The following CDKL4 variants were observed in gnomAD, a reference collection of about 807,000 sequenced individuals.
The protein encoded by CDKL4 is cyclin-dependent kinase-like 4.
In CDKL4, 44 loss-of-function variants were observed where a neutral mutation model predicts 42.0. The observed-to-expected ratio is 1.05, with a 90% confidence interval of 0.82 to 1.35. CDKL4 has a LOEUF of 1.35. Among genes scored for constraint, CDKL4 ranks in the 40% most tolerant of loss-of-function variants. CDKL4 has a pLI of 0.00. For missense variants in CDKL4, 393 were observed against 369.9 expected (o/e 1.06, Z -0.51); for synonymous variants, 120 against 121.6 (o/e 0.99, Z 0.09).
chr2:39,211,206 T>C (rs551564018), intron 4 of CDKL4, among the ~76,000 whole-genome samples: 74 of 152,190 alleles, frequency 4.9e-4, no homozygotes, highest in African/African-American at 1.5e-3. Context: ...CTGGGCAAGA[T>C]AGTGAGACCC....
chr2:39,237,403 T>C (rs1228572889), intron 1 of CDKL4, among the ~76,000 whole-genome samples: 1 of 152,140 alleles, frequency 6.6e-6, no homozygotes, highest in Non-Finnish European at 1.5e-5. Flanking sequence ...CTGTGAAAAA[T>C]CTACAGTTAA....
At chr2:39,197,978 C>T (rs531037022) in intron 5 of CDKL4, among the ~76,000 whole-genome samples, 30 of 151,770 alleles carry the variant, frequency 2.0e-4, no homozygotes, top group Non-Finnish European at 3.7e-4. Context: ...TGAATAGTAC[C>T]TCACATCTCA....
intron 2 of CDKL4, among the ~76,000 whole-genome samples, chr2:39,226,942 T>C (rs1678783416): frequency 6.6e-6 from 1 of 152,170 alleles, no homozygotes; most frequent in Non-Finnish European, 1.5e-5. Flanking sequence ...AATTTTTGTA[T>C]TTTTAGTAGA....
At chr2:39,174,967 C>A (rs536154331), downstream of CDKL4, among the ~76,000 whole-genome samples, 5 of 151,952 alleles carry the variant, frequency 3.3e-5, no homozygotes, top group Admixed American at 3.3e-4. Context: ...TATGTATATA[C>A]GTATGTATGT....
At chr2:39,233,273 C>T (rs1679178678) in intron 1 of CDKL4, among the ~76,000 whole-genome samples, 1 of 151,784 alleles carries the variant, frequency 6.6e-6, no homozygotes, top group Admixed American at 6.6e-5. Context: ...GTAAAAATAC[C>T]CTAAGTGTGT....
chr2:39,181,757 T>C (rs1262495165), intron 8 of CDKL4, among the ~76,000 whole-genome samples: 1 of 152,108 alleles, frequency 6.6e-6, no homozygotes, highest in Non-Finnish European at 1.5e-5. Flanking sequence ...AAATTGGAGT[T>C]ACATTGTCAC....
rs190800291 is a variant in CDKL4, at chr2:39,185,258, A to G, written c.736-611T>C. On this transcript the variant is annotated intron_variant, in intron 7 of 9. Transcript: ENST00000451199. ...TATATATACATATATACACATATGT[A>G]TATATACATATATATACACATATGT... 1.2e-3 allele frequency among the ~76,000 whole-genome samples: 48 copies of G among 40,896 alleles called. 6 individuals are homozygous for G. Among genetic ancestry groups the G allele is most frequent in the African/African-American group, 2.2e-3 (28 of 12,864 alleles). The allele number at this position is 40,896 out of a possible 152,430, so 26.8% of individuals were successfully genotyped here. A position where few individuals can be genotyped will look rare whatever the true frequency, so the allele number is the denominator to read the frequency against.
intron 5 of CDKL4, among the ~76,000 whole-genome samples, chr2:39,201,015 G>T (rs946433967): frequency 2.6e-5 from 4 of 152,072 alleles, no homozygotes; most frequent in African/African-American, 9.7e-5. Context: ...GAAATAATCA[G>T]CAGAGTAAAC....
At chr2:39,180,265 G>A (rs947765114) in intron 8 of CDKL4, among the ~76,000 whole-genome samples, 6 of 152,172 alleles carry the variant, frequency 3.9e-5, no homozygotes, top group Middle Eastern at 3.2e-3. Flanking sequence ...AGGCACAGAC[G>A]ACCTGACAAT....
chr2:39,187,511 C>T, intron 7 of CDKL4, 116 bp downstream of exon 7: 1 of 732,084 alleles, frequency 1.4e-6, no homozygotes, highest in Non-Finnish European at 2.2e-6. Context: ...TGCCACTGCA[C>T]TCCAGCCTTG....
chr2:39,168,690 G>A, the CDKL4 span, among the ~76,000 whole-genome samples: 28 of 148,960 alleles, frequency 1.9e-4, no homozygotes, highest in Non-Finnish European at 3.6e-4. Context: ...AGCTGAGATA[G>A]CGCCATTGAA....
At chr2:39,196,682 A>G (rs1676533853) in intron 5 of CDKL4, among the ~76,000 whole-genome samples, 1 of 152,088 alleles carries the variant, frequency 6.6e-6, no homozygotes, top group Admixed American at 6.5e-5. Flanking sequence ...ATCTTGGCTC[A>G]CTGCAACCTC....
At chr2:39,236,025 A>C (rs1656580609) in intron 1 of CDKL4, among the ~76,000 whole-genome samples, 1 of 152,130 alleles carries the variant, frequency 6.6e-6, no homozygotes, top group Non-Finnish European at 1.5e-5. Context: ...TGTTATAAAT[A>C]TGTTCAAATA....
chr2:39,216,977 A>C (rs1677958092), intron 3 of CDKL4, among the ~76,000 whole-genome samples: 1 of 152,228 alleles, frequency 6.6e-6, no homozygotes, highest in Admixed American at 6.5e-5. Context: ...GGGCAAAACA[A>C]CACCACTGAT....
chr2:39,188,107 A>C (rs182468876), intron 6 of CDKL4, among the ~76,000 whole-genome samples: 15 of 151,986 alleles, frequency 9.9e-5, no homozygotes, highest in Non-Finnish European at 1.9e-4. Context: ...AAAAACAAAA[A>C]ACAGGGTTAA....
At chr2:39,244,324 C>G (rs1679814010), upstream of CDKL4, among the ~76,000 whole-genome samples, 1 of 152,248 alleles carries the variant, frequency 6.6e-6, no homozygotes, top group Non-Finnish European at 1.5e-5. Context: ...TGCGGGCCAG[C>G]TGGAGTTCCG....
chr2:39,183,395 G>A (rs1256479255), intron 8 of CDKL4, among the ~76,000 whole-genome samples: 1 of 152,110 alleles, frequency 6.6e-6, no homozygotes, highest in Non-Finnish European at 1.5e-5. Flanking sequence ...AGGATTCTTG[G>A]GTCTTAGGTT....
intron 4 of CDKL4, among the ~76,000 whole-genome samples, chr2:39,209,813 TA>T (rs1173781183): frequency 1.3e-5 from 2 of 152,178 alleles, no homozygotes; most frequent in Non-Finnish European, 2.9e-5. Context: ...GGAGTTCCTT[TA>T]AAAATAAGGA....
intron 5 of CDKL4, among the ~76,000 whole-genome samples, chr2:39,199,081 T>C (rs541632482): frequency 6.6e-6 from 1 of 152,046 alleles, no homozygotes; most frequent in African/African-American, 2.4e-5. Flanking sequence ...ATAAAATTGA[T>C]AGGCCATTAG....
Sources: allele counts gnomAD v4.1 joint callset (sites outside exome capture counted in the v4.1 genomes callset), GRCh38; gene constraint gnomAD v4.1.1; transcripts MANE v1.5; gene names NCBI Gene and HGNC (gene_info 2026-07-23, HGNC 2026-07-21).